Variants in ZNF704 observed in about 807,000 individuals in gnomAD.
ZNF704 encodes the protein glucocorticoid induced gene 1.
A neutral mutation model predicts 44.7 loss-of-function variants in ZNF704; 10 were observed. That is an observed-to-expected ratio of 0.22 (90% CI 0.14 to 0.38). The LOEUF (loss-of-function observed/expected upper bound fraction) is 0.38, where lower values mean the gene tolerates loss of function less well. Among genes scored for constraint, ZNF704 ranks in the 10% least tolerant of loss-of-function variants. The pLI is 1.00. For missense variants in ZNF704, 390 were observed against 545.5 expected (o/e 0.71, Z 2.84); for synonymous variants, 211 against 207.6 (o/e 1.02, Z -0.14).
intron 2 of ZNF704, among the ~76,000 whole-genome samples, chr8:80,708,752 T>C (rs936639639): frequency 6.6e-6 from 1 of 151,944 alleles, no homozygotes; most frequent in Non-Finnish European, 1.5e-5. Flanking sequence ...TATCTTCCAG[T>C]TCTACACTAT....
chr8:80,680,290 A>G (rs1818432467), intron 4 of ZNF704, among the ~76,000 whole-genome samples: 1 of 152,162 alleles, frequency 6.6e-6, no homozygotes, highest in Admixed American at 6.5e-5. Context: ...TAGAAAGCAC[A>G]TGAACGTCAC....
At chr8:80,749,746 T>C (rs1806909505) in intron 2 of ZNF704, 2 of 152,602 alleles carry the variant, frequency 1.3e-5, no homozygotes, top group East Asian at 1.9e-4. Flanking sequence ...GCTTGGCCCA[T>C]AGTAAACATT....
chr8:80,857,650 T>C (rs1265140930), intron 1 of ZNF704, among the ~76,000 whole-genome samples: 3 of 152,200 alleles, frequency 2.0e-5, no homozygotes, highest in East Asian at 3.8e-4. Context: ...TTAAGTGTTT[T>C]TGCCTATGTA....
Position 80,632,250 on chromosome 8 carries a change from TG to T in ZNF704, c.*9115del, listed in dbSNP as rs1563496146. ...ATCTTGGCTCACTGCAACCTCTGCC[TG>T]CAGTTTCAAGGGATTCTCCTGCCTC... On this transcript the variant is annotated 3_prime_UTR_variant, in exon 9 of 9. Coordinates refer to ENST00000327835, the MANE Select transcript of ZNF704 (RefSeq NM_001033723.3). The T allele has an allele frequency of 1.3e-5, 2 of 152,212 alleles. No homozygotes were observed. The highest frequency in any genetic ancestry group is 4.8e-5 in the African/African-American group (2 of 41,458). The allele number at this position is 152,212 out of a possible 1,614,324, so 9.4% of individuals were successfully genotyped here.
At chr8:80,869,446 GA>G (rs1417742760) in intron 1 of ZNF704, among the ~76,000 whole-genome samples, 1 of 152,162 alleles carries the variant, frequency 6.6e-6, no homozygotes, top group East Asian at 1.9e-4. Context: ...GAAGCCATCA[GA>G]AAACTACTGT....
At chr8:80,730,599 G>A (rs1265375197) in intron 2 of ZNF704, among the ~76,000 whole-genome samples, 1 of 146,734 alleles carries the variant, frequency 6.8e-6, no homozygotes, top group Non-Finnish European at 1.5e-5. Context: ...GGTCACGGGT[G>A]ATAAAGTATA....
chr8:80,787,777 A>C (rs560425466), intron 2 of ZNF704, among the ~76,000 whole-genome samples: 2 of 152,258 alleles, frequency 1.3e-5, no homozygotes, highest in South Asian at 4.2e-4. Flanking sequence ...TTCACATTGC[A>C]CCTTATAATT....
intron 1 of ZNF704, among the ~76,000 whole-genome samples, chr8:80,864,471 G>GT (rs1809120086): frequency 1.3e-5 from 2 of 151,882 alleles, no homozygotes; most frequent in Non-Finnish European, 2.9e-5. Flanking sequence ...ACATATACAT[G>GT]TGTGTGTTAT....
intron 2 of ZNF704, among the ~76,000 whole-genome samples, chr8:80,746,701 C>T (rs1241239714): frequency 6.6e-6 from 1 of 152,130 alleles, no homozygotes; most frequent in African/African-American, 2.4e-5. Flanking sequence ...CACGCAAATT[C>T]AGGTGCTGTG....
intron 2 of ZNF704, among the ~76,000 whole-genome samples, chr8:80,747,205 C>T (rs1345167692): frequency 1.3e-5 from 2 of 152,024 alleles, no homozygotes; most frequent in Admixed American, 6.6e-5. Context: ...TCACGGTCTG[C>T]GGTGTAGCTC....
rs1383271506 is a variant in ZNF704, at chr8:80,874,311, C to T, written c.-22+260G>A. ...CGGGGGTGGGTGTGAGCGAGCGGCG[C>T]GCTGCCGCCTCCGCCGCCGCCGCCG... On this transcript the variant is annotated intron_variant, in intron 1 of 8. Coordinates refer to ENST00000327835, the MANE Select transcript of ZNF704 (RefSeq NM_001033723.3). The surrounding 1 kb of genome is among the most constrained non-coding windows in gnomAD (Gnocchi z 4.4). 2.0e-4 allele frequency among the ~76,000 whole-genome samples: 29 copies of T among 144,962 alleles called. No homozygotes were observed. Among genetic ancestry groups the T allele is most frequent in the East Asian group, 1.0e-3 (5 of 4,888 alleles).
the ZNF704 span, among the ~76,000 whole-genome samples, chr8:80,880,039 G>A: frequency 6.6e-6 from 1 of 152,126 alleles, no homozygotes; most frequent in African/African-American, 2.4e-5. Context: ...CTGTCTTTCT[G>A]TCTCTGTCTC....
rs1264550384 is a variant in ZNF704, at chr8:80,637,719, C to A, written c.*3647G>T. The A allele has an allele frequency of 6.6e-6, 1 of 152,232 alleles. No individual in the cohort carries two copies. The highest frequency in any genetic ancestry group is 2.4e-5 in the African/African-American group (1 of 41,456). 9.4% of individuals were successfully genotyped at this position (152,232 alleles called of 1,614,324 possible). A position where few individuals can be genotyped will look rare whatever the true frequency, so the allele number is the denominator to read the frequency against. ...GCAGGAATTGTCTAATAAAAGGGCA[C>A]CTTGTTGGTGCCTGGAGCTGCTGAC... is the stretch of plus-strand genomic sequence containing the variant. On this transcript the variant is annotated 3_prime_UTR_variant, in exon 9 of 9. Coordinates refer to ENST00000327835, the MANE Select transcript of ZNF704 (RefSeq NM_001033723.3).
chr8:80,812,529 G>C (rs765037141), intron 2 of ZNF704: 9 of 152,642 alleles, frequency 5.9e-5, no homozygotes, highest in African/African-American at 2.2e-4. Flanking sequence ...CTCCCAACAA[G>C]TTTGCGCAAA....
intron 5 of ZNF704, among the ~76,000 whole-genome samples, chr8:80,665,653 AC>A (rs1433579160): frequency 2.0e-5 from 3 of 152,172 alleles, no homozygotes; most frequent in Admixed American, 6.5e-5. Context: ...ACAAAACTGC[AC>A]TTGTACCCCC....
intron 2 of ZNF704, among the ~76,000 whole-genome samples, chr8:80,786,431 T>C (rs73262537): frequency 0.077 from 11,668 of 152,224 alleles, 544 homozygotes; most frequent in Middle Eastern, 0.13. Context: ...CTACCTACCA[T>C]TCCTCTCTTT....
intron 1 of ZNF704, among the ~76,000 whole-genome samples, chr8:80,842,988 T>A (rs1053786771): frequency 5.9e-5 from 9 of 152,334 alleles, no homozygotes; most frequent in African/African-American, 2.2e-4. Context: ...CCTGCTTTCA[T>A]CTTCAACTCA....
At chr8:80,780,795 A>T (rs1175493523) in intron 2 of ZNF704, among the ~76,000 whole-genome samples, 1 of 152,090 alleles carries the variant, frequency 6.6e-6, no homozygotes, top group Non-Finnish European at 1.5e-5. Flanking sequence ...GACCCCCAAG[A>T]GGGAGCACAC....
intron 2 of ZNF704, among the ~76,000 whole-genome samples, chr8:80,708,691 C>T (rs1169512015): frequency 6.6e-6 from 1 of 152,196 alleles, no homozygotes. Flanking sequence ...TATAGGCGCA[C>T]TTACTGTAAT....
Sources: allele counts gnomAD v4.1 joint callset (sites outside exome capture counted in the v4.1 genomes callset), GRCh38; gene constraint gnomAD v4.1.1; non-coding constraint Gnocchi (gnomAD v3.1); transcripts MANE v1.5; gene names NCBI Gene and HGNC (gene_info 2026-07-23, HGNC 2026-07-21).